The following ARID4B variants were observed in gnomAD, a reference collection of about 807,000 sequenced individuals.
ARID4B encodes AT-rich interactive domain-containing protein 4B.
ARID4B carries 26 observed loss-of-function variants against 147.5 expected under a neutral mutation model. The ratio of observed to expected loss-of-function variants is 0.18; its 90% CI spans 0.13 to 0.24. The LOEUF is 0.24. Among genes scored for constraint, ARID4B ranks in the 10% least tolerant of loss-of-function variants. The pLI, the probability that ARID4B is intolerant of heterozygous loss-of-function variation, is 1.00. For synonymous variants in ARID4B, 512 were observed against 507.9 expected (o/e 1.01, Z -0.11); for missense variants, 1,179 against 1,511.5 (o/e 0.78, Z 3.65).
At chr1:235,171,325 C>T (rs1488627450) in intron 23 of ARID4B, among the ~76,000 whole-genome samples, 2 of 151,798 alleles carry the variant, frequency 1.3e-5, no homozygotes, top group African/African-American at 2.4e-5. Context: ...CCCAGCCACT[C>T]GGGAGACTGA....
Position 235,220,504 on chromosome 1 carries a change from A to G in ARID4B, c.1205T>C (p.Ile402Thr), listed in dbSNP as rs771945555. 1.9e-6 allele frequency: 3 copies of G among 1,612,338 alleles called. No homozygotes were observed. The highest frequency in any genetic ancestry group is 1.3e-5 in the African/African-American group (1 of 75,004). Residue 402 changes from isoleucine to threonine, a missense_variant, in exon 15 of 24, where the codon ATT becomes ACT. Coordinates refer to ENST00000264183, the MANE Select transcript of ARID4B (RefSeq NM_016374.6). ...GFEEYCRSAN[I>T]EFQMALPEKV... Reference sequence around the variant, plus strand: ...CTCTGGCAATGCCATCTGAAATTCAATGTTGGCTGATCTACAGTACTCCTC... The same window carrying G: ...CTCTGGCAATGCCATCTGAAATTCAGTGTTGGCTGATCTACAGTACTCCTC...
intron 17 of ARID4B, among the ~76,000 whole-genome samples, chr1:235,210,877 G>C (rs1214893748): frequency 2.2e-5 from 3 of 135,038 alleles, no homozygotes; most frequent in Admixed American, 1.6e-4. Flanking sequence ...AATTACTAGA[G>C]ATTCTTTCTA....
chr1:235,213,712 A>T, intron 17 of ARID4B, 57 bp downstream of exon 17: 2 of 1,517,746 alleles, frequency 1.3e-6, no homozygotes, highest in Non-Finnish European at 1.8e-6. Context: ...GTTTTTAAAT[A>T]GAAAAGTATT....
chr1:235,266,195 C>T (rs1000882319), intron 2 of ARID4B, among the ~76,000 whole-genome samples: 24 of 152,076 alleles, frequency 1.6e-4, no homozygotes, highest in African/African-American at 5.3e-4. Context: ...CAAGATTGCA[C>T]CAGTATTTTG....
At chr1:235,322,075 C>T (rs918592849) in intron 2 of ARID4B, among the ~76,000 whole-genome samples, 11 of 151,788 alleles carry the variant, frequency 7.2e-5, no homozygotes, top group African/African-American at 2.7e-4. Context: ...GTCACCCAGG[C>T]TGGAGTGCAA....
chr1:235,326,907 A>G lies in ARID4B; in HGVS notation c.6+7T>C. ...CCCAGAGATTCGTTTTCCGCAGGCA[A>G]TCTTACCTTCATGATGACTCTGGGA... is the stretch of plus-strand genomic sequence containing the variant. On this transcript the variant is annotated splice_region_variant and intron_variant, in intron 2 of 23. Transcript: ENST00000264183. The G allele has an allele frequency of 1.9e-6, 3 of 1,613,908 alleles. 1 individual carries two copies. Among genetic ancestry groups the G allele is most frequent in the South Asian group, 2.2e-5 (2 of 91,078 alleles).
At position 235,260,711 on chromosome 1, in the gene ARID4B, C is replaced by G. The variant is rs1481117721; in HGVS notation, c.48G>C (p.Val16=). The part of the protein sequence containing the change: ...EPPYLTVGTD[V]SAKYRGAFCE... Reference sequence around the variant, plus strand: ...AAAAGGCTCCTCTGTATTTAGCACTCACATCAGTGCCCACTGTCAAATAGG... The same window carrying G: ...AAAAGGCTCCTCTGTATTTAGCACTGACATCAGTGCCCACTGTCAAATAGG... The change falls in exon 3 of 24, where the codon GTG becomes GTC. Residue 16 remains valine (V), a synonymous_variant. Transcript: ENST00000264183. The G allele has an allele frequency of 1.2e-6, 2 of 1,611,484 alleles. No homozygotes were observed. Among genetic ancestry groups the G allele is most frequent in the Admixed American group, 3.4e-5 (2 of 59,184 alleles).
Position 235,167,083 on chromosome 1 carries a change from A to T in ARID4B, c.*1442T>A, listed in dbSNP as rs1348032916. 1 of 186,994 alleles carries T rather than the reference A, an allele frequency of 5.3e-6. No individual in the cohort carries two copies. Among genetic ancestry groups the T allele is most frequent in the Non-Finnish European group, 1.1e-5 (1 of 88,360 alleles). The allele number at this position is 186,994 out of a possible 1,614,324, so 11.6% of individuals were successfully genotyped here. A position where few individuals can be genotyped will look rare whatever the true frequency, so the allele number is the denominator to read the frequency against. ...CCTGTACAAATTTGAATAACTTGAA[A>T]CCATTTTCAACAAAATTAGTTACTG... On this transcript the variant is annotated 3_prime_UTR_variant, in exon 24 of 24. Coordinates refer to ENST00000264183, the MANE Select transcript of ARID4B (RefSeq NM_016374.6).
rs191219504 is a variant in ARID4B at position 235,268,565 on chromosome 1, G to C, written c.7-7813C>G. Among the ~76,000 whole-genome samples, 19 of 152,186 alleles carry C rather than the reference G, an allele frequency of 1.2e-4. No individual in the cohort carries two copies. In the East Asian group the frequency reaches 3.1e-3, roughly 25 times the overall value. The stretch of plus-strand genomic sequence containing the variant: ...TTTAATTGAGATGGAGTCTTGCTCT[G>C]TTGCCCAGGCTGGAGTGCAATGGTG... On this transcript the variant is annotated intron_variant, in intron 2 of 23. Coordinates refer to ENST00000264183, the MANE Select transcript of ARID4B (RefSeq NM_016374.6).
At chr1:235,303,768 G>T (rs1673354123) in intron 2 of ARID4B, among the ~76,000 whole-genome samples, 1 of 152,088 alleles carries the variant, frequency 6.6e-6, no homozygotes, top group African/African-American at 2.4e-5. Context: ...ATTAACCAAA[G>T]CTATATGAAT....
At chr1:235,269,715 G>A (rs1670845885) in intron 2 of ARID4B, among the ~76,000 whole-genome samples, 7 of 151,794 alleles carry the variant, frequency 4.6e-5, no homozygotes, top group Non-Finnish European at 1.5e-5. Context: ...CACACACAGA[G>A]AAAAAGATAA....
chr1:235,296,841 G>GA (rs765609955), intron 2 of ARID4B, among the ~76,000 whole-genome samples: 855 of 49,854 alleles, frequency 0.017, 19 homozygotes, highest in African/African-American at 0.024. Context: ...AAGGAAGGGA[G>GA]GAAGGAGGGA....
At chr1:235,314,730 TAAATG>T (rs975944157) in intron 2 of ARID4B, among the ~76,000 whole-genome samples, 2 of 152,128 alleles carry the variant, frequency 1.3e-5, no homozygotes, top group Non-Finnish European at 2.9e-5. Context: ...TAAATTATCT[TAAATG>T]ATATATAACA....
intron 22 of ARID4B, among the ~76,000 whole-genome samples, chr1:235,173,479 T>C (rs946284954): frequency 4.6e-5 from 7 of 152,026 alleles, no homozygotes; most frequent in Admixed American, 4.6e-4. Context: ...TTTTAGGTTT[T>C]TTTAAAGAGT....
chr1:235,214,554 T>C (rs1666928038), intron 16 of ARID4B, among the ~76,000 whole-genome samples: 3 of 152,208 alleles, frequency 2.0e-5, no homozygotes, highest in Admixed American at 6.5e-5. Flanking sequence ...GATGGCAGTC[T>C]TAATAACTTT....
At chr1:235,271,482 T>C (rs1162987311) in intron 2 of ARID4B, among the ~76,000 whole-genome samples, 1 of 150,658 alleles carries the variant, frequency 6.6e-6, no homozygotes, top group African/African-American at 2.4e-5. Context: ...ATACAAAAAT[T>C]AGCCAGGCAT....
At chr1:235,170,177 C>A (rs1160582579) in intron 23 of ARID4B, among the ~76,000 whole-genome samples, 1 of 152,098 alleles carries the variant, frequency 6.6e-6, no homozygotes, top group Non-Finnish European at 1.5e-5. Context: ...ACCCCAGGGG[C>A]AAATCTGGCT....
intron 21 of ARID4B, among the ~76,000 whole-genome samples, chr1:235,175,891 T>C (rs1338321717): frequency 6.6e-6 from 1 of 152,184 alleles, no homozygotes; most frequent in East Asian, 1.9e-4. Context: ...ATGAAATTAC[T>C]CTTAAATAAC....
At chr1:235,189,686 C>G (rs1259921369) in intron 19 of ARID4B, among the ~76,000 whole-genome samples, 1 of 151,770 alleles carries the variant, frequency 6.6e-6, no homozygotes, top group Non-Finnish European at 1.5e-5. Context: ...TGCTTGAGCC[C>G]AGAAGTGTGA....
Sources: allele counts gnomAD v4.1 joint callset (sites outside exome capture counted in the v4.1 genomes callset), GRCh38; gene constraint gnomAD v4.1.1; transcripts MANE v1.5; gene names NCBI Gene and HGNC (gene_info 2026-07-23, HGNC 2026-07-21).